Variants in SVIL observed in about 807,000 individuals in gnomAD.
SVIL encodes the protein supervillin.
A neutral mutation model predicts 240.4 loss-of-function variants in SVIL; 101 were observed. That is an observed-to-expected ratio of 0.42 (90% confidence interval 0.36 to 0.50). SVIL has a LOEUF of 0.50. SVIL is among the 20% of genes least tolerant of loss of function. The pLI is 0.01. For synonymous variants in SVIL, 999 were observed against 1,100.0 expected (o/e 0.91, Z 1.82); for missense variants, 2,512 against 2,818.7 (o/e 0.89, Z 2.46).
Position 29,512,843 on chromosome 10 carries a change from T to G in SVIL, c.3408A>C (p.Lys1136Asn), listed in dbSNP as rs769714394. 6.2e-7 allele frequency: 1 copy of G among 1,611,318 alleles called. No individual in the cohort carries two copies. Among genetic ancestry groups the G allele is most frequent in the Non-Finnish European group, 8.5e-7 (1 of 1,180,002 alleles). ...SIKERLALLKKSGEEDWRNRL... is the reference protein window; with the variant it reads ...SIKERLALLKNSGEEDWRNRL... ...TGTTTCTCCAATCTTCCTCCCCGCT[T>G]TTCTTCAACAGTGCCAATCTAGGAG... Residue 1136 changes from lysine (K) to asparagine (N), a missense_variant, in exon 17 of 38, where the codon AAA becomes AAC. This residue lies in a region of SVIL where 1,443 missense variants were observed against 1,486.6 expected (regional missense o/e 0.97). Transcript: ENST00000355867.
At chr10:29,584,420 G>C (rs1337487815) in intron 1 of SVIL, among the ~76,000 whole-genome samples, 2 of 152,194 alleles carry the variant, frequency 1.3e-5, no homozygotes, top group East Asian at 1.9e-4. Flanking sequence ...CTGCCCTGCT[G>C]CCACCACTGC....
intron 16 of SVIL, among the ~76,000 whole-genome samples, chr10:29,517,454 A>G (rs907712045): frequency 1.3e-5 from 2 of 152,120 alleles, no homozygotes; most frequent in African/African-American, 2.4e-5. Flanking sequence ...AAAGAAAAAG[A>G]AAAAGAAAAG....
At chr10:29,595,008 G>A (rs1956530724) in intron 1 of SVIL, among the ~76,000 whole-genome samples, 1 of 152,228 alleles carries the variant, frequency 6.6e-6, no homozygotes, top group Admixed American at 6.5e-5. Context: ...TGCTGGTCCT[G>A]GAATGGAGAC....
intron 1 of SVIL, among the ~76,000 whole-genome samples, chr10:29,616,819 T>A (rs1957443961): frequency 6.6e-6 from 1 of 152,154 alleles, no homozygotes; most frequent in South Asian, 2.1e-4. Flanking sequence ...GCCTCCCAAG[T>A]TCAAGTAGTT....
intron 1 of SVIL, among the ~76,000 whole-genome samples, chr10:29,729,347 A>G (rs1964466716): frequency 6.6e-6 from 1 of 152,038 alleles, no homozygotes; most frequent in Non-Finnish European, 1.5e-5. Context: ...GCAGGAGGAA[A>G]AAGTTTGATG....
At chr10:29,658,857 G>A (rs1253318009) in intron 2 of SVIL, among the ~76,000 whole-genome samples, 2 of 152,168 alleles carry the variant, frequency 1.3e-5, no homozygotes, top group Non-Finnish European at 2.9e-5. Flanking sequence ...AATTCATCAC[G>A]AAGTTGGATG....
intron 1 of SVIL, among the ~76,000 whole-genome samples, chr10:29,582,196 G>A (rs1002187948): frequency 3.3e-5 from 5 of 152,194 alleles, no homozygotes; most frequent in Non-Finnish European, 7.3e-5. Context: ...TCACTTAAAC[G>A]TGGTTGAAAT....
chr10:29,496,659 A>G (rs1201961655), intron 18 of SVIL, among the ~76,000 whole-genome samples: 2 of 152,250 alleles, frequency 1.3e-5, no homozygotes, highest in Non-Finnish European at 2.9e-5. Context: ...GGAGATGCAA[A>G]TTACAAAATG....
intron 16 of SVIL, among the ~76,000 whole-genome samples, chr10:29,518,824 C>A (rs546987858): frequency 6.6e-6 from 1 of 152,288 alleles, no homozygotes; most frequent in Admixed American, 6.5e-5. Context: ...CCTCTGCACT[C>A]CAGCCTGGGT....
At chr10:29,665,419 T>C (rs1015691362) in intron 2 of SVIL, among the ~76,000 whole-genome samples, 1 of 152,000 alleles carries the variant, frequency 6.6e-6, no homozygotes, top group African/African-American at 2.4e-5. Context: ...ACTGACTTCA[T>C]AGGTGCACAT....
chr10:29,671,910 C>A (rs1000362091), intron 2 of SVIL, among the ~76,000 whole-genome samples: 2 of 152,120 alleles, frequency 1.3e-5, no homozygotes, highest in African/African-American at 4.8e-5. Context: ...ATGTAAAATG[C>A]TAGAAAATTG....
chr10:29,535,841 C>G (rs1001824042), intron 7 of SVIL, 148 bp downstream of exon 7: 1 of 742,132 alleles, frequency 1.3e-6, no homozygotes, highest in Non-Finnish European at 2.3e-6. Context: ...AGGGGAAAAG[C>G]AAATGATTAG....
At chr10:29,612,254 A>G (rs970460724) in intron 1 of SVIL, among the ~76,000 whole-genome samples, 5 of 152,232 alleles carry the variant, frequency 3.3e-5, no homozygotes, top group Non-Finnish European at 5.9e-5. Context: ...GATCCTCAAC[A>G]GCCAACAGAG....
upstream of SVIL, among the ~76,000 whole-genome samples, chr10:29,639,675 CA>C (rs1342214121): frequency 6.6e-6 from 1 of 152,038 alleles, no homozygotes; most frequent in Non-Finnish European, 1.5e-5. Context: ...CCATGTTGGC[CA>C]AGCTGGTCTC....
intron 1 of SVIL, among the ~76,000 whole-genome samples, chr10:29,590,150 A>G (rs1316921910): frequency 7.2e-6 from 1 of 138,900 alleles, no homozygotes; most frequent in East Asian, 2.4e-4. Context: ...TTGGCAACAG[A>G]GCAAGACTCC....
chr10:29,638,018 T>C (rs1456004689), upstream of SVIL, among the ~76,000 whole-genome samples: 2 of 151,290 alleles, frequency 1.3e-5, no homozygotes, highest in Non-Finnish European at 2.9e-5. Context: ...AACTCTTCTA[T>C]TGGATTGACC....
intron 2 of SVIL, among the ~76,000 whole-genome samples, chr10:29,666,550 T>G (rs1423443923): frequency 6.6e-6 from 1 of 152,184 alleles, no homozygotes; most frequent in Non-Finnish European, 1.5e-5. Context: ...CCTGGTACAC[T>G]TACGCCAAGG....
intron 1 of SVIL, among the ~76,000 whole-genome samples, chr10:29,718,234 G>A (rs868853341): frequency 1.2e-4 from 19 of 152,032 alleles, no homozygotes; most frequent in South Asian, 4.2e-4. Context: ...GCTGAGGCAG[G>A]AGAATCGCTT....
rs1434478722 is a variant in SVIL at position 29,523,786 on chromosome 10, A to T, written c.2828T>A (p.Met943Lys). ...TTCTGTCTCTCCATATTCTCTCAAC[A>T]TTCCCTTGTTCTCGCTACCCTCTAC... ...PLVEGSENKG[M>K]LREYGETESK... is the part of the protein sequence containing the mutation. The change falls in exon 15 of 38, where the codon ATG becomes AAG. Residue 943 changes from methionine (M) to lysine (K), a missense_variant. Met to Lys is a moderately conservative substitution (Grantham distance 95). Transcript: ENST00000355867. 1 of 1,614,146 alleles carries T rather than the reference A, an allele frequency of 6.2e-7. No homozygotes were observed. Among genetic ancestry groups the T allele is most frequent in the Non-Finnish European group, 8.5e-7 (1 of 1,180,030 alleles).
Sources: gnomAD v4.1 joint callset for allele counts (sites outside exome capture counted in the v4.1 genomes callset) on GRCh38, gnomAD v4.1.1 for gene constraint, gnomAD v4.1.1 regional missense constraint, MANE v1.5 for transcripts, NCBI Gene and HGNC (gene_info 2026-07-23, HGNC 2026-07-21) for gene names.